The following SFRP1 variants were observed in gnomAD, a reference collection of about 807,000 sequenced individuals.
SFRP1 encodes secreted frizzled related protein 1, also known as secreted frizzled-related protein 1.
SFRP1 carries 9 observed loss-of-function variants against 25.9 expected under a neutral mutation model. The ratio of observed to expected loss-of-function variants is 0.35; its 90% confidence interval spans 0.21 to 0.61. SFRP1 has a LOEUF of 0.61. SFRP1 is among the 20% of genes least tolerant of loss of function. SFRP1 has a pLI of 0.78. For missense variants in SFRP1, 346 were observed against 418.2 expected, an observed-to-expected ratio of 0.83 and a Z score of 1.51; for synonymous variants, 178 against 174.0, an observed-to-expected ratio of 1.02 and a Z score of -0.18.
chr8:41,283,248 G>A (rs553155854), intron 2 of SFRP1, among the ~76,000 whole-genome samples: 5 of 152,224 alleles, frequency 3.3e-5, no homozygotes, highest in South Asian at 2.1e-4. Flanking sequence ...CCAGGTAGGC[G>A]TCACATCTAT....
At chr8:41,270,641 G>A (rs1159090402) in intron 2 of SFRP1, among the ~76,000 whole-genome samples, 1 of 152,014 alleles carries the variant, frequency 6.6e-6, no homozygotes, top group Non-Finnish European at 1.5e-5. Flanking sequence ...ATGAGTCCAG[G>A]TGGCTGCCCT....
In SFRP1 at chr8:41,280,119, G is replaced by A. The variant is rs140981013; in HGVS notation, c.623-14630C>T. 5.4e-3 allele frequency among the ~76,000 whole-genome samples: 824 copies of A among 152,328 alleles called. 6 individuals are homozygous for A. The highest frequency in any genetic ancestry group is 0.018 in the African/African-American group (743 of 41,572). On this transcript the variant is annotated intron_variant, in intron 2 of 2. Coordinates refer to ENST00000220772, the MANE Select transcript of SFRP1 (RefSeq NM_003012.5). ...CCTTCCCCGGCATAAGATGGGCAGCGCTGGGCTTCCCTCCCAAGTCCAGGG... is the reference window on the plus strand; with the variant it reads ...CCTTCCCCGGCATAAGATGGGCAGCACTGGGCTTCCCTCCCAAGTCCAGGG...
intron 2 of SFRP1, among the ~76,000 whole-genome samples, chr8:41,284,502 C>G (rs576523979): frequency 1.3e-5 from 2 of 152,092 alleles, no homozygotes; most frequent in East Asian, 3.9e-4. Context: ...AGCAGGGACC[C>G]TCAGTCTGGC....
At chr8:41,280,674 GAAAC>G (rs1334508609) in intron 2 of SFRP1, among the ~76,000 whole-genome samples, 1 of 152,176 alleles carries the variant, frequency 6.6e-6, no homozygotes, top group East Asian at 1.9e-4. Flanking sequence ...TTCTTGAGAA[GAAAC>G]AAACAAAAAG....
At chr8:41,277,554 C>A (rs1364816178) in intron 2 of SFRP1, among the ~76,000 whole-genome samples, 1 of 152,206 alleles carries the variant, frequency 6.6e-6, no homozygotes. Flanking sequence ...AAAATGCAGA[C>A]TGCTGGGCTC....
At chr8:41,280,444 C>G (rs1015355389) in intron 2 of SFRP1, among the ~76,000 whole-genome samples, 2 of 152,198 alleles carry the variant, frequency 1.3e-5, no homozygotes, top group Non-Finnish European at 2.9e-5. Flanking sequence ...TCCGCTGGCA[C>G]GCATTCAAGG....
At chr8:41,284,141 G>T (rs777159396) in intron 2 of SFRP1, among the ~76,000 whole-genome samples, 9 of 152,194 alleles carry the variant, frequency 5.9e-5, no homozygotes, top group Non-Finnish European at 1.2e-4. Flanking sequence ...GTGAAGATGG[G>T]AAGCTGGAGA....
chr8:41,309,162 C>A lies in SFRP1; in HGVS notation c.-3G>T. 1 of 1,377,570 alleles carries A rather than the reference C, an allele frequency of 7.3e-7. No individual in the cohort carries two copies. Among genetic ancestry groups the A allele is most frequent in the Non-Finnish European group, 9.3e-7 (1 of 1,078,496 alleles). The allele number at this position is 1,377,570 out of a possible 1,614,324, so 85.3% of individuals were successfully genotyped here. A position where few individuals can be genotyped will look rare whatever the true frequency, so the allele number is the denominator to read the frequency against. On this transcript the variant is annotated 5_prime_UTR_variant, in exon 1 of 3. Transcript: ENST00000220772. ...CCCTCGCTGCGCCCGATGCCCATGC[C>A]GGCTCTGCGCCCTGTTCTCCGCGAC...
intron 2 of SFRP1, among the ~76,000 whole-genome samples, chr8:41,274,450 A>G (rs1180215351): frequency 6.6e-6 from 1 of 152,254 alleles, no homozygotes; most frequent in Non-Finnish European, 1.5e-5. Flanking sequence ...TACATGGCTC[A>G]GCTGCAAATA....
intron 1 of SFRP1, among the ~76,000 whole-genome samples, chr8:41,308,141 G>A (rs1320363144): frequency 6.6e-6 from 1 of 152,214 alleles, no homozygotes; most frequent in Non-Finnish European, 1.5e-5. Context: ...ATAAACAAAA[G>A]CTGCTCCAAG....
intron 2 of SFRP1, among the ~76,000 whole-genome samples, chr8:41,284,406 A>C: frequency 7.6e-6 from 1 of 131,048 alleles, no homozygotes; most frequent in Non-Finnish European, 1.7e-5. Flanking sequence ...AGCCCCTCCC[A>C]CATTGCTGGA....
intron 2 of SFRP1, among the ~76,000 whole-genome samples, chr8:41,300,050 A>G (rs367768300): frequency 3.9e-4 from 59 of 152,314 alleles, no homozygotes; most frequent in African/African-American, 1.3e-3. Flanking sequence ...TAGTTTGGAA[A>G]GGCTGAGCCT....
intron 2 of SFRP1, among the ~76,000 whole-genome samples, chr8:41,286,120 G>C (rs913492184): frequency 6.6e-6 from 1 of 152,106 alleles, no homozygotes; most frequent in East Asian, 1.9e-4. Context: ...GTCGGGAATG[G>C]GGGGACAGGG....
chr8:41,300,846 A>T (rs921770225), intron 2 of SFRP1, among the ~76,000 whole-genome samples: 7 of 152,202 alleles, frequency 4.6e-5, no homozygotes, highest in African/African-American at 1.2e-4. Flanking sequence ...ACTTTGCCCC[A>T]TCTAAGTCTT....
intron 2 of SFRP1, among the ~76,000 whole-genome samples, chr8:41,271,876 A>T (rs1230846792): frequency 6.6e-6 from 1 of 151,960 alleles, no homozygotes; most frequent in Non-Finnish European, 1.5e-5. Flanking sequence ...AGATGAGAAG[A>T]TCAGCTGAGT....
Position 41,309,258 on chromosome 8 carries a change from G to A in SFRP1, c.-99C>T. ...CTTCCAGGGACCTCCGGGGACAAAAGGCGCAGTCCCCAGCGTTGCCCGGCT... is the reference window on the plus strand; with the variant it reads ...CTTCCAGGGACCTCCGGGGACAAAAAGCGCAGTCCCCAGCGTTGCCCGGCT... On this transcript the variant is annotated 5_prime_UTR_variant, in exon 1 of 3. Transcript: ENST00000220772. 1 of 1,216,876 alleles carries A rather than the reference G, an allele frequency of 8.2e-7. No individual in the cohort carries two copies. The highest frequency in any genetic ancestry group is 1.0e-6 in the Non-Finnish European group (1 of 974,478). The allele number at this position is 1,216,876 out of a possible 1,614,324, so 75.4% of individuals were successfully genotyped here. A position where few individuals can be genotyped will look rare whatever the true frequency, so the allele number is the denominator to read the frequency against.
chr8:41,291,194 CA>C (rs1421162319), intron 2 of SFRP1, among the ~76,000 whole-genome samples: 2 of 152,048 alleles, frequency 1.3e-5, no homozygotes, highest in Non-Finnish European at 2.9e-5. Context: ...AGGCATGAGT[CA>C]CCACGCCCGG....
chr8:41,302,227 A>G (rs1430087550), intron 2 of SFRP1, among the ~76,000 whole-genome samples: 1 of 152,198 alleles, frequency 6.6e-6, no homozygotes, highest in East Asian at 1.9e-4. Context: ...TTCCCCATGC[A>G]TGGAAACAGG....
intron 2 of SFRP1, among the ~76,000 whole-genome samples, chr8:41,276,075 T>C (rs564148145): frequency 9.2e-5 from 14 of 152,140 alleles, no homozygotes; most frequent in Non-Finnish European, 2.1e-4. Flanking sequence ...TAGCCCAGCT[T>C]GGTTGATCAG....
Sources: allele counts gnomAD v4.1 joint callset (sites outside exome capture counted in the v4.1 genomes callset), GRCh38; gene constraint gnomAD v4.1.1; transcripts MANE v1.5; gene names NCBI Gene and HGNC (gene_info 2026-07-23, HGNC 2026-07-21).